Variants in GRAMD2B observed in about 807,000 individuals in gnomAD.
The protein encoded by GRAMD2B is GRAM domain containing 2B, also known as GRAM domain-containing protein 2B.
A neutral mutation model predicts 59.2 loss-of-function variants in GRAMD2B; 41 were observed. The ratio of observed to expected loss-of-function variants is 0.69; its 90% CI spans 0.54 to 0.90. The LOEUF (loss-of-function observed/expected upper bound fraction) is 0.90, where lower values mean the gene tolerates loss of function less well. GRAMD2B is among the 40% of genes least tolerant of loss of function. The pLI is 0.00. For synonymous variants in GRAMD2B, 161 were observed against 182.7 expected (o/e 0.88, Z 0.96); for missense variants, 424 against 500.5 (o/e 0.85, Z 1.46).
intron 1 of GRAMD2B, among the ~76,000 whole-genome samples, chr5:126,417,720 T>A (rs1038517592): frequency 6.6e-6 from 1 of 152,190 alleles, no homozygotes; most frequent in African/African-American, 2.4e-5. Flanking sequence ...ATTCAAACAT[T>A]TCTTTCCCCA....
intron 1 of GRAMD2B, among the ~76,000 whole-genome samples, chr5:126,393,137 T>G (rs1756990931): frequency 6.6e-6 from 1 of 152,156 alleles, no homozygotes; most frequent in African/African-American, 2.4e-5. Context: ...CTCCCCTTCC[T>G]CTGTTTCCCT....
At chr5:126,433,931 TC>T (rs1379128378) in intron 1 of GRAMD2B, 2 of 152,236 alleles carry the variant, frequency 1.3e-5, no homozygotes, top group Non-Finnish European at 2.9e-5. Context: ...TGGAGCCAAT[TC>T]TTGGAATAGT....
intron 1 of GRAMD2B, among the ~76,000 whole-genome samples, chr5:126,401,393 C>A (rs576752597): frequency 1.3e-5 from 2 of 152,028 alleles, no homozygotes; most frequent in African/African-American, 4.8e-5. Flanking sequence ...GCTCACTGAG[C>A]TTTCTTAAAA....
intron 1 of GRAMD2B, among the ~76,000 whole-genome samples, chr5:126,448,593 C>A (rs1482260087): frequency 6.6e-6 from 1 of 152,040 alleles, no homozygotes; most frequent in Non-Finnish European, 1.5e-5. Context: ...GAGGAGGGGT[C>A]ACATATAACT....
chr5:126,422,917 C>CT (rs1221537625), upstream of GRAMD2B, among the ~76,000 whole-genome samples: 3 of 150,198 alleles, frequency 2.0e-5, no homozygotes, highest in South Asian at 4.2e-4. Context: ...CTCTAACCAC[C>CT]CCCCCCACCC....
At chr5:126,479,704 G>A (rs575311996) in intron 6 of GRAMD2B, among the ~76,000 whole-genome samples, 11 of 152,202 alleles carry the variant, frequency 7.2e-5, no homozygotes, top group South Asian at 4.1e-4. Context: ...GTACTTGCTC[G>A]GAAATAATTC....
intron 1 of GRAMD2B, among the ~76,000 whole-genome samples, chr5:126,384,894 T>C (rs1356715980): frequency 1.3e-5 from 2 of 152,270 alleles, no homozygotes; most frequent in Non-Finnish European, 2.9e-5. Flanking sequence ...TTATCTTCGG[T>C]ATAACATTCA....
chr5:126,411,432 T>C (rs1758779148), intron 1 of GRAMD2B, among the ~76,000 whole-genome samples: 1 of 152,114 alleles, frequency 6.6e-6, no homozygotes, highest in Non-Finnish European at 1.5e-5. Context: ...GCTTGATTTG[T>C]GGGTTCTCTA....
At chr5:126,467,705 T>A (rs1476159310) in intron 2 of GRAMD2B, 1 of 152,202 alleles carries the variant, frequency 6.6e-6, no homozygotes, top group African/African-American at 2.4e-5. Flanking sequence ...GAACAAATGT[T>A]TTTTCATAGC....
At chr5:126,464,024 A>G (rs531009383) in intron 1 of GRAMD2B, among the ~76,000 whole-genome samples, 2 of 151,472 alleles carry the variant, frequency 1.3e-5, no homozygotes, top group South Asian at 2.1e-4. Flanking sequence ...GTGAAACTCC[A>G]TCTCAAAAAA....
chr5:126,463,032 A>G (rs1767655967), intron 1 of GRAMD2B, among the ~76,000 whole-genome samples: 1 of 152,232 alleles, frequency 6.6e-6, no homozygotes, highest in African/African-American at 2.4e-5. Flanking sequence ...TAAGCACTTA[A>G]GTCACCTGCA....
intron 1 of GRAMD2B, among the ~76,000 whole-genome samples, chr5:126,362,912 A>G (rs1754281708): frequency 6.6e-6 from 1 of 152,230 alleles, no homozygotes; most frequent in Non-Finnish European, 1.5e-5. Context: ...GGGTTGGGCA[A>G]TTATTTCTTA....
At chr5:126,426,411 A>G (rs893531710) in intron 1 of GRAMD2B, among the ~76,000 whole-genome samples, 1 of 152,160 alleles carries the variant, frequency 6.6e-6, no homozygotes, top group African/African-American at 2.4e-5. Context: ...CACCTTGTAC[A>G]TATGTGGCTT....
rs559743406 is a variant in GRAMD2B at position 126,443,913 on chromosome 5, G to A, written c.83+20224G>A. Reference sequence around the variant, plus strand: ...AAAAAATACCAAAAATTAGCTGGACGTGGTGGTGGGCGCCTGTAATCCCAG... The same window carrying A: ...AAAAAATACCAAAAATTAGCTGGACATGGTGGTGGGCGCCTGTAATCCCAG... On this transcript the variant is annotated intron_variant, in intron 1 of 13. Transcript: ENST00000285689. Among the ~76,000 whole-genome samples, 37 of 152,186 alleles carry A rather than the reference G, an allele frequency of 2.4e-4. No homozygotes were observed. In the South Asian group the frequency reaches 4.2e-3, roughly 17 times the overall value.
intron 8 of GRAMD2B, 45 bp from the exon 9 acceptor site, chr5:126,483,418 A>C: frequency 8.3e-7 from 1 of 1,209,618 alleles, no homozygotes. Context: ...CTGCCTGTTT[A>C]CTAAGGGAAT....
intron 2 of GRAMD2B, among the ~76,000 whole-genome samples, chr5:126,468,783 C>T (rs1007373013): frequency 4.6e-5 from 7 of 152,052 alleles, no homozygotes; most frequent in South Asian, 2.1e-4. Flanking sequence ...CCACTGTGCC[C>T]GGCCTGTTTT....
intron 11 of GRAMD2B, 72 bp from the exon 12 acceptor site, chr5:126,486,801 C>T: frequency 1.1e-6 from 1 of 873,584 alleles, no homozygotes; most frequent in East Asian, 2.4e-5. Flanking sequence ...ACCACATTGG[C>T]ACTGAGTTGT....
At chr5:126,454,838 C>A (rs1270195344) in intron 1 of GRAMD2B, among the ~76,000 whole-genome samples, 1 of 152,148 alleles carries the variant, frequency 6.6e-6, no homozygotes, top group Non-Finnish European at 1.5e-5. Flanking sequence ...TGGCGGAACC[C>A]CTCCTCTGCA....
chr5:126,424,606 G>T (rs1388107010), intron 1 of GRAMD2B, among the ~76,000 whole-genome samples: 1 of 152,218 alleles, frequency 6.6e-6, no homozygotes, highest in Non-Finnish European at 1.5e-5. Flanking sequence ...TCTTGTTGAA[G>T]TCTGGGTGTC....
Sources: allele counts gnomAD v4.1 joint callset (sites outside exome capture counted in the v4.1 genomes callset), GRCh38; gene constraint gnomAD v4.1.1; transcripts MANE v1.5; gene names NCBI Gene and HGNC (gene_info 2026-07-23, HGNC 2026-07-21).